The following LRP1B variants were observed in gnomAD, a reference collection of about 807,000 sequenced individuals.
LRP1B encodes low-density lipoprotein receptor-related protein 1B.
In LRP1B, 217 loss-of-function variants were observed where a neutral mutation model predicts 556.6. The ratio of observed to expected loss-of-function variants is 0.39; its 90% CI spans 0.35 to 0.44. The LOEUF (loss-of-function observed/expected upper bound fraction) is 0.44, where lower values mean the gene tolerates loss of function less well. Ranked by LOEUF, LRP1B falls within the 20% of genes least tolerant of loss-of-function variation. The pLI is 1.00. For missense variants in LRP1B, 5,053 were observed against 5,620.8 expected, an observed-to-expected ratio of 0.90 and a Z score of 3.23; for synonymous variants, 2,047 against 1,865.8, an observed-to-expected ratio of 1.10 and a Z score of -2.50.
intron 3 of LRP1B, among the ~76,000 whole-genome samples, chr2:141,471,258 A>G (rs1325417769): frequency 1.1e-5 from 1 of 93,282 alleles, no homozygotes; most frequent in Non-Finnish European, 2.4e-5. Flanking sequence ...TATTGAGAAT[A>G]TACCCTGGTA....
chr2:140,436,848 C>T (rs1001629970), intron 66 of LRP1B, among the ~76,000 whole-genome samples: 1 of 152,098 alleles, frequency 6.6e-6, no homozygotes, highest in African/African-American at 2.4e-5. Context: ...AAGTGTCACA[C>T]TCACCTGGAT....
rs931418496 is a variant in LRP1B, at chr2:142,065,212, A to C, written c.82+65436T>G. ...CAAATTACTACAGACTTAGTGACTT[A>C]AAACACAAAATTATTATCTTACATT... On this transcript the variant is annotated intron_variant, in intron 1 of 90. Transcript: ENST00000389484. 2.6e-5 allele frequency among the ~76,000 whole-genome samples: 4 copies of C among 151,536 alleles called. No homozygotes were observed. In the South Asian group the frequency reaches 6.2e-4, roughly 24 times the overall value.
At chr2:141,194,057 T>G (rs1217487065) in intron 6 of LRP1B, among the ~76,000 whole-genome samples, 1 of 152,116 alleles carries the variant, frequency 6.6e-6, no homozygotes, top group African/African-American at 2.4e-5. Flanking sequence ...ACTTTCATTG[T>G]CCAGTACAAT....
At chr2:141,964,891 A>G (rs1701510890) in intron 1 of LRP1B, among the ~76,000 whole-genome samples, 1 of 150,484 alleles carries the variant, frequency 6.6e-6, no homozygotes, top group Admixed American at 6.6e-5. Context: ...ACTCAAACAA[A>G]TTTACAAGAA....
At chr2:141,153,569 A>G (rs1272616488) in intron 7 of LRP1B, among the ~76,000 whole-genome samples, 1 of 130,990 alleles carries the variant, frequency 7.6e-6, no homozygotes, top group Non-Finnish European at 1.6e-5. Context: ...ATATTTATAT[A>G]TAATAATATA....
rs1026955021 is a variant in LRP1B, at chr2:141,424,734, C to A, written c.343+55662G>T. 8.9e-4 allele frequency among the ~76,000 whole-genome samples: 135 copies of A among 152,052 alleles called. 1 individual carries two copies. The highest frequency in any genetic ancestry group is 3.2e-3 in the African/African-American group (132 of 41,392). Reference sequence around the variant, plus strand: ...TTTTGTTATTGCAGTGTTCTACAGACCTGGGTTCAGTATAAAGCCAGATGT... The same window carrying A: ...TTTTGTTATTGCAGTGTTCTACAGAACTGGGTTCAGTATAAAGCCAGATGT... On this transcript the variant is annotated intron_variant, in intron 3 of 90. Transcript: ENST00000389484.
At chr2:141,638,974 C>T (rs1689206841) in intron 2 of LRP1B, among the ~76,000 whole-genome samples, 1 of 65,664 alleles carries the variant, frequency 1.5e-5, no homozygotes, top group Non-Finnish European at 3.5e-5. Flanking sequence ...TATATGGCTA[C>T]CTTAGAGTCT....
intron 2 of LRP1B, among the ~76,000 whole-genome samples, chr2:141,544,350 T>TTCTTTTCTTCTTCTTCTTCTTCTTCTTCC (rs1553533212): frequency 1.2e-5 from 1 of 86,308 alleles, no homozygotes; most frequent in Non-Finnish European, 2.4e-5. Flanking sequence ...CTTCTTCTTC[T>TTCTTTTCTTCTTCTTCTTCTTCTTCTTCC]TCTTCTTCTT....
At chr2:140,720,357 C>A (rs1466689363) in intron 35 of LRP1B, among the ~76,000 whole-genome samples, 2 of 151,798 alleles carry the variant, frequency 1.3e-5, no homozygotes, top group African/African-American at 4.8e-5. Flanking sequence ...AAGATAATAA[C>A]AATTATAATT....
intron 3 of LRP1B, among the ~76,000 whole-genome samples, chr2:141,478,974 A>AT (rs951576463): frequency 1.3e-5 from 2 of 152,150 alleles, no homozygotes; most frequent in Non-Finnish European, 2.9e-5. Context: ...GAATCTGCTG[A>AT]TTTTTTATGT....
At chr2:141,423,412 C>A (rs1680226389) in intron 3 of LRP1B, among the ~76,000 whole-genome samples, 1 of 150,484 alleles carries the variant, frequency 6.6e-6, no homozygotes, top group Non-Finnish European at 1.5e-5. Context: ...AGGCTGGAAC[C>A]AAAGCCACTG....
Position 141,813,640 on chromosome 2 carries a change from G to T in LRP1B, c.83-3239C>A, listed in dbSNP as rs555928763. On this transcript the variant is annotated intron_variant, in intron 1 of 90. Transcript: ENST00000389484. ...TGGAGGACCACTAAAAAATTCTGAG[G>T]AGTGTAACAGTGTTGCAACTTTTTC... Among the ~76,000 whole-genome samples, 7 of 152,050 alleles carry T rather than the reference G, an allele frequency of 4.6e-5. No individual in the cohort carries two copies. In the East Asian group the frequency reaches 1.4e-3, roughly 29 times the overall value.
intron 41 of LRP1B, among the ~76,000 whole-genome samples, chr2:140,611,578 GC>G (rs1056196082): frequency 8.6e-5 from 13 of 151,990 alleles, no homozygotes; most frequent in Non-Finnish European, 1.9e-4. Flanking sequence ...ATCAAGTTTT[GC>G]AAAGAAAAGG....
In LRP1B at chr2:141,658,576, C is replaced by T. The variant is rs181511668; in HGVS notation, c.205+151703G>A. ...CTGAACTATTTTTCATCTTACCTGT[C>T]GGGTGAATGCAGCTATACAACTCCC... On this transcript the variant is annotated intron_variant, in intron 2 of 90. Coordinates refer to ENST00000389484, the MANE Select transcript of LRP1B (RefSeq NM_018557.3). Among the ~76,000 whole-genome samples the T allele has an allele frequency of 1.1e-3, 168 of 152,244 alleles. 1 individual carries two copies. The highest frequency in any genetic ancestry group is 6.8e-3 in the Middle Eastern group (2 of 294).
intron 3 of LRP1B, among the ~76,000 whole-genome samples, chr2:141,366,511 G>T (rs921328608): frequency 1.3e-5 from 2 of 152,062 alleles, no homozygotes; most frequent in African/African-American, 4.8e-5. Flanking sequence ...TACCTAATTG[G>T]GAACTAGCCA....
At chr2:141,395,969 G>T (rs1031161431) in intron 3 of LRP1B, among the ~76,000 whole-genome samples, 3 of 152,132 alleles carry the variant, frequency 2.0e-5, no homozygotes, top group Non-Finnish European at 4.4e-5. Context: ...ATTTAATTGA[G>T]AGAATGATCC....
rs1689017939 is a variant in LRP1B at position 141,634,273 on chromosome 2, T to C, written c.206-153740A>G. Among the ~76,000 whole-genome samples, 5 of 152,000 alleles carry C rather than the reference T, an allele frequency of 3.3e-5. No homozygotes were observed. In the South Asian group the frequency reaches 1.0e-3, roughly 31 times the overall value. On this transcript the variant is annotated intron_variant, in intron 2 of 90. Coordinates refer to ENST00000389484, the MANE Select transcript of LRP1B (RefSeq NM_018557.3). ...GGGGAACTGTATTCCTGAGCAGGAC[T>C]TGAAATTGAATAAATCACAAATATG...
At chr2:141,729,414 CT>C (rs1693182774) in intron 2 of LRP1B, among the ~76,000 whole-genome samples, 1 of 152,074 alleles carries the variant, frequency 6.6e-6, no homozygotes, top group African/African-American at 2.4e-5. Context: ...AGCAGGCAGA[CT>C]TTAAAGATTA....
At chr2:141,769,161 TG>T (rs2105611306) in intron 2 of LRP1B, among the ~76,000 whole-genome samples, 1 of 152,296 alleles carries the variant, frequency 6.6e-6, no homozygotes, top group South Asian at 2.1e-4. Flanking sequence ...TTGTTTCTGC[TG>T]GGTAATGCAA....
Sources: allele counts gnomAD v4.1 joint callset (sites outside exome capture counted in the v4.1 genomes callset), GRCh38; gene constraint gnomAD v4.1.1; transcripts MANE v1.5; gene names NCBI Gene and HGNC (gene_info 2026-07-23, HGNC 2026-07-21).